Variants in CCDC171 observed in about 807,000 individuals in gnomAD.
The protein encoded by CCDC171 is coiled-coil domain-containing protein 171.
Under a neutral mutation model 168.2 loss-of-function variants are expected in CCDC171, and 177 were observed. The observed-to-expected ratio is 1.05, with a 90% CI of 0.93 to 1.19. The LOEUF is 1.19. CCDC171 is among the 50% of genes most tolerant of loss of function. The pLI is 0.00. For missense variants in CCDC171, 1,991 were observed against 1,539.0 expected (o/e 1.29, Z -4.91); for synonymous variants, 687 against 540.8 (o/e 1.27, Z -3.75).
At chr9:15,799,691 C>T (rs1300564951) in intron 21 of CCDC171, among the ~76,000 whole-genome samples, 2 of 151,868 alleles carry the variant, frequency 1.3e-5, no homozygotes, top group African/African-American at 2.4e-5. Context: ...CCTGTTGTGC[C>T]GTCAAATACT....
intron 3 of CCDC171, among the ~76,000 whole-genome samples, chr9:15,987,950 G>T (rs1480393864): frequency 6.6e-6 from 1 of 152,192 alleles, no homozygotes. Flanking sequence ...GGAAAAAAGG[G>T]TGTCACTATC....
intron 1 of CCDC171, among the ~76,000 whole-genome samples, chr9:16,050,582 G>A (rs1250419805): frequency 6.6e-6 from 1 of 152,186 alleles, no homozygotes; most frequent in Non-Finnish European, 1.5e-5. Flanking sequence ...CTGGAGGTAT[G>A]ACTTATGTAA....
intron 3 of CCDC171, among the ~76,000 whole-genome samples, chr9:16,019,211 T>TG (rs1833101784): frequency 6.6e-6 from 1 of 152,172 alleles, no homozygotes; most frequent in Admixed American, 6.6e-5. Context: ...CTCCAGCTAC[T>TG]CCTGTCTAAG....
chr9:15,557,943 A>C (rs2038947296), intron 1 of CCDC171, among the ~76,000 whole-genome samples: 1 of 152,100 alleles, frequency 6.6e-6, no homozygotes, highest in Non-Finnish European at 1.5e-5. Context: ...AGTTTTTAGC[A>C]TGAAGTGTTG....
chr9:15,810,609 G>A (rs1204051962), intron 21 of CCDC171, among the ~76,000 whole-genome samples: 1 of 152,194 alleles, frequency 6.6e-6, no homozygotes, highest in Non-Finnish European at 1.5e-5. Flanking sequence ...CGGCAGTGCT[G>A]GGGAATCTGG....
At chr9:15,999,406 AG>A (rs2132943102) in intron 3 of CCDC171, among the ~76,000 whole-genome samples, 1 of 143,250 alleles carries the variant, frequency 7.0e-6, no homozygotes, top group East Asian at 2.3e-4. Context: ...AAGGAAAGAA[AG>A]AAAGCAAACA....
At chr9:15,577,156 A>G (rs2131198844) in intron 3 of CCDC171, among the ~76,000 whole-genome samples, 1 of 152,300 alleles carries the variant, frequency 6.6e-6, no homozygotes, top group South Asian at 2.1e-4. Context: ...ATTTCCCATA[A>G]TTAGATTTCC....
chr9:15,613,128 C>A (rs548176942), intron 6 of CCDC171, among the ~76,000 whole-genome samples: 2 of 152,296 alleles, frequency 1.3e-5, no homozygotes, highest in Admixed American at 6.5e-5. Context: ...TTTTGAGGAA[C>A]TGACGGACTG....
At chr9:15,854,148 A>AT (rs1348811237) in intron 23 of CCDC171, among the ~76,000 whole-genome samples, 2 of 148,568 alleles carry the variant, frequency 1.3e-5, no homozygotes, top group East Asian at 2.0e-4. Context: ...CCTTCTCTTC[A>AT]TTTTTTTTCA....
At chr9:15,999,360 C>A (rs1832470133) in intron 3 of CCDC171, among the ~76,000 whole-genome samples, 1 of 123,510 alleles carries the variant, frequency 8.1e-6, no homozygotes, top group African/African-American at 3.2e-5. Context: ...GAAGGGTGAG[C>A]AAGCAGGGAG....
intron 3 of CCDC171, among the ~76,000 whole-genome samples, chr9:15,993,393 G>T (rs1384841656): frequency 6.6e-6 from 1 of 152,160 alleles, no homozygotes; most frequent in Non-Finnish European, 1.5e-5. Flanking sequence ...ATAGCCATAT[G>T]TAGAAAGCTG....
chr9:16,017,047 GAATGAT>G (rs998767194), intron 3 of CCDC171, among the ~76,000 whole-genome samples: 1 of 152,144 alleles, frequency 6.6e-6, no homozygotes, highest in African/African-American at 2.4e-5. Context: ...TTGGGGCAGG[GAATGAT>G]GAACTTGAGC....
At chr9:16,065,809 G>GGTGTGCATGGTGTGT (rs373145926), downstream of CCDC171, among the ~76,000 whole-genome samples, 1,076 of 144,312 alleles carry the variant, frequency 7.5e-3, 10 homozygotes, top group South Asian at 0.025. Flanking sequence ...TTGTGTGCAT[G>GGTGTGCATGGTGTGT]GTGTGTGTGT....
chr9:15,711,017 T>G (rs2052622677), intron 11 of CCDC171, among the ~76,000 whole-genome samples: 1 of 152,216 alleles, frequency 6.6e-6, no homozygotes, highest in African/African-American at 2.4e-5. Context: ...TTAACATGTT[T>G]TTTTGTTCTG....
At chr9:15,557,321 T>C (rs760512189) in intron 1 of CCDC171, among the ~76,000 whole-genome samples, 1 of 152,158 alleles carries the variant, frequency 6.6e-6, no homozygotes, top group Non-Finnish European at 1.5e-5. Flanking sequence ...AATCTATAAA[T>C]TACCTTGGGG....
At chr9:15,687,648 A>G (rs1004222292) in intron 10 of CCDC171, among the ~76,000 whole-genome samples, 2 of 152,216 alleles carry the variant, frequency 1.3e-5, no homozygotes, top group African/African-American at 4.8e-5. Context: ...ACACTCATCA[A>G]AAAAGGAGAA....
At chr9:15,966,088 G>C (rs1370696477) in intron 25 of CCDC171, among the ~76,000 whole-genome samples, 2 of 152,108 alleles carry the variant, frequency 1.3e-5, no homozygotes, top group Non-Finnish European at 2.9e-5. Context: ...ATCACACTAA[G>C]TGCTCATAGT....
At chr9:15,874,089 T>G (rs1040165612) in intron 23 of CCDC171, among the ~76,000 whole-genome samples, 1 of 152,166 alleles carries the variant, frequency 6.6e-6, no homozygotes, top group African/African-American at 2.4e-5. Flanking sequence ...ATTGAAGTTT[T>G]CTTTTCAAAG....
At chr9:15,719,765 A>G (rs974227563) in intron 11 of CCDC171, among the ~76,000 whole-genome samples, 1 of 152,196 alleles carries the variant, frequency 6.6e-6, no homozygotes, top group Non-Finnish European at 1.5e-5. Context: ...CTGAATTTCT[A>G]AGAGGAAGTT....
Sources: gnomAD v4.1 joint callset for allele counts (sites outside exome capture counted in the v4.1 genomes callset) on GRCh38, gnomAD v4.1.1 for gene constraint, MANE v1.5 for transcripts, NCBI Gene and HGNC (gene_info 2026-07-23, HGNC 2026-07-21) for gene names.